The following RFK variants were observed in gnomAD, a reference collection of about 807,000 sequenced individuals.
RFK encodes riboflavin kinase.
In RFK, 4 loss-of-function variants were observed where a neutral mutation model predicts 17.6. That is an observed-to-expected ratio of 0.23 (90% CI 0.11 to 0.52). The LOEUF is 0.52. Among genes scored for constraint, RFK ranks in the 20% least tolerant of loss-of-function variants. The pLI, the probability that RFK is intolerant of heterozygous loss-of-function variation, is 0.96. For missense variants in RFK, 189 were observed against 187.7 expected, an observed-to-expected ratio of 1.01 and a Z score of -0.04; for synonymous variants, 59 against 63.8, an observed-to-expected ratio of 0.92 and a Z score of 0.36.
In RFK at chr9:76,385,726, T is replaced by C. The variant is rs962526133; in HGVS notation, c.*1673A>G. ...AAAGGACAATAACATATCAAAGAACTTTCACACACCTAAAGATAGCATTTA... is the reference window on the plus strand; with the variant it reads ...AAAGGACAATAACATATCAAAGAACCTTCACACACCTAAAGATAGCATTTA... On this transcript the variant is annotated 3_prime_UTR_variant, in exon 4 of 4. Transcript: ENST00000376736. 1 of 152,154 alleles carries C rather than the reference T, an allele frequency of 6.6e-6. No individual in the cohort carries two copies. The highest frequency in any genetic ancestry group is 2.4e-5 in the African/African-American group (1 of 41,428). 9.4% of individuals were successfully genotyped at this position (152,154 alleles called of 1,614,324 possible). A position where few individuals can be genotyped will look rare whatever the true frequency, so the allele number is the denominator to read the frequency against.
In RFK at chr9:76,387,438, G is replaced by T. The variant is rs1331942192; in HGVS notation, c.429C>A (p.Phe143Leu). 3.7e-6 allele frequency: 6 copies of T among 1,610,856 alleles called. No individual in the cohort carries two copies. In the South Asian group the frequency reaches 6.6e-5, roughly 18 times the overall value. Residue 143 changes from phenylalanine to leucine, a missense_variant, in exon 4 of 4, where the codon TTC (phenylalanine) becomes TTA (leucine). Physicochemically the swap from Phe to Leu is conservative, Grantham distance 22. Transcript: ENST00000376736. ...TTATTTTGCTTTTAGAAACCTGGAA[G>T]AAATTGTCTTCTTTGATTTTCAAAT... The part of the protein sequence containing the change: ...PEHLKIKEDN[F>L]FQVSKSKIMN...
intron 1 of RFK, among the ~76,000 whole-genome samples, chr9:76,393,077 T>G (rs1822837525): frequency 6.6e-6 from 1 of 152,042 alleles, no homozygotes; most frequent in Non-Finnish European, 1.5e-5. Context: ...AAGTACCAGG[T>G]AAGTATATAA....
At chr9:76,392,303 G>C (rs997929631) in intron 2 of RFK, 115 bp downstream of exon 2, 3 of 1,048,046 alleles carry the variant, frequency 2.9e-6, no homozygotes, top group Non-Finnish European at 2.8e-6. Context: ...CAAAATTCCA[G>C]TATTTGAACT....
chr9:76,389,273 T>TA (rs1204592460), intron 2 of RFK, among the ~76,000 whole-genome samples: 1 of 152,274 alleles, frequency 6.6e-6, no homozygotes, highest in East Asian at 1.9e-4. Context: ...AGCACTGACT[T>TA]AGAGTCAAAA....
At chr9:76,388,887 G>C (rs1822778627) in intron 2 of RFK, among the ~76,000 whole-genome samples, 1 of 152,138 alleles carries the variant, frequency 6.6e-6, no homozygotes, top group Non-Finnish European at 1.5e-5. Context: ...ATGATTTGCT[G>C]TTACTTAAAA....
intron 1 of RFK, among the ~76,000 whole-genome samples, chr9:76,392,833 G>T (rs999893401): frequency 6.6e-6 from 1 of 152,168 alleles, no homozygotes; most frequent in Non-Finnish European, 1.5e-5. Flanking sequence ...CCCAGCAGAT[G>T]GAGGCTGCAG....
At position 76,387,469 on chromosome 9, in the gene RFK, G is replaced by A. The variant is rs376265828; in HGVS notation, c.398C>T (p.Pro133Leu). 3.1e-6 allele frequency: 5 copies of A among 1,611,698 alleles called. No homozygotes were observed. Among genetic ancestry groups the A allele is most frequent in the Non-Finnish European group, 3.4e-6 (4 of 1,179,150 alleles). Residue 133 changes from proline to leucine, a missense_variant, in exon 4 of 4, where the codon CCA becomes CTA. Transcript: ENST00000376736. ...GTCTTCTTTGATTTTCAAATGTTCT[G>A]GTAACTCTAGTCGTTTCTTAGCTTC... ...IEEAKKRLELPEHLKIKEDNF... is the reference protein window; with the variant it reads ...IEEAKKRLELLEHLKIKEDNF...
chr9:76,387,223 A>G lies in RFK; in HGVS notation c.*176T>C. 1.8e-6 allele frequency: 1 copy of G among 557,498 alleles called. No homozygotes were observed. The allele number at this position is 557,498 out of a possible 1,614,324, so 34.5% of individuals were successfully genotyped here. ...AACTCAATCTTTTTAGTGCTATGAT[A>G]TGATGGGCTTAATTTAATAGTTGAA... On this transcript the variant is annotated 3_prime_UTR_variant, in exon 4 of 4. Coordinates refer to ENST00000376736, the MANE Select transcript of RFK (RefSeq NM_018339.6).
In RFK at chr9:76,392,679, GGAGGCTCATGTTGAGCTCTGGGGTTT is replaced by G. The variant is rs1490684863; in HGVS notation, c.83-136_83-111del. ...TCTAGGACTTTGAGAGGCCAAGGCA[GGAGGCTCATGTTGAGCTCTGGGGTTT>G]GAGACCGGCCCGGGTAACATAGTGA... On this transcript the variant is annotated intron_variant, in intron 1 of 3. Transcript: ENST00000376736. The G allele has an allele frequency of 2.2e-5, 23 of 1,042,344 alleles. No homozygotes were observed. In the Admixed American group the frequency reaches 4.5e-4, roughly 20 times the overall value. The allele number at this position is 1,042,344 out of a possible 1,614,324, so 64.6% of individuals were successfully genotyped here.
intron 2 of RFK, among the ~76,000 whole-genome samples, chr9:76,391,107 C>T (rs1038653113): frequency 4.6e-5 from 7 of 152,098 alleles, no homozygotes; most frequent in African/African-American, 1.2e-4. Context: ...TGTGATCTTT[C>T]GATTGTTTTC....
intron 1 of RFK, chr9:76,393,651 C>CGGTGGTCGCCGTA: frequency 2.9e-5 from 5 of 171,910 alleles, no homozygotes; most frequent in South Asian, 1.6e-4. Context: ...TTAGCTGACT[C>CGGTGGTCGCCGTA]TCATTCAACT....
intron 3 of RFK, chr9:76,387,837 A>C: frequency 4.1e-6 from 1 of 241,714 alleles, no homozygotes. Context: ...TGACTCTACT[A>C]AAACTACAAA....
intron 2 of RFK, among the ~76,000 whole-genome samples, chr9:76,390,945 T>C (rs1177135588): frequency 1.3e-5 from 2 of 152,168 alleles, no homozygotes; most frequent in African/African-American, 4.8e-5. Context: ...GATATGCCTA[T>C]GTTTCAAATT....
Position 76,394,272 on chromosome 9 carries a change from G to T in RFK, c.-101C>A. 1 of 1,220,236 alleles carries T rather than the reference G, an allele frequency of 8.2e-7. No homozygotes were observed. Among genetic ancestry groups the T allele is most frequent in the Non-Finnish European group, 1.1e-6 (1 of 893,060 alleles). 75.6% of individuals were successfully genotyped at this position (1,220,236 alleles called of 1,614,324 possible). ...ACCCCGGACCAGCCGGGGGACAGGA[G>T]CGTGAGCTCTGCCTGCCGCGGGGGC... is the stretch of plus-strand genomic sequence containing the variant. On this transcript the variant is annotated 5_prime_UTR_variant, in exon 1 of 4. Coordinates refer to ENST00000376736, the MANE Select transcript of RFK (RefSeq NM_018339.6).
intron 2 of RFK, 41 bp from the exon 3 acceptor site, chr9:76,388,697 A>AG (rs752160196): frequency 8.5e-7 from 1 of 1,176,734 alleles, no homozygotes; most frequent in Non-Finnish European, 1.3e-6. Context: ...ATCAGACTAC[A>AG]GTGTACTGAA....
In RFK at chr9:76,385,941, G is replaced by A. The variant is rs1822723091; in HGVS notation, c.*1458C>T. 6.6e-6 allele frequency: 1 copy of A among 152,162 alleles called. No individual in the cohort carries two copies. The highest frequency in any genetic ancestry group is 1.5e-5 in the Non-Finnish European group (1 of 68,030). The allele number at this position is 152,162 out of a possible 1,614,324, so 9.4% of individuals were successfully genotyped here. Reference sequence around the variant, plus strand: ...AAACGCAATCCAACTATTTATATGAGTCCCTCTTCTCCAACAGCTTTAGAT... The same window carrying A: ...AAACGCAATCCAACTATTTATATGAATCCCTCTTCTCCAACAGCTTTAGAT... On this transcript the variant is annotated 3_prime_UTR_variant, in exon 4 of 4. Coordinates refer to ENST00000376736, the MANE Select transcript of RFK (RefSeq NM_018339.6).
At position 76,390,589 on chromosome 9, in the gene RFK, A is replaced by T. The variant is rs118173098; in HGVS notation, c.234+1829T>A. Among the ~76,000 whole-genome samples the T allele has an allele frequency of 9.4e-3, 1,425 of 152,184 alleles. 16 individuals carry two copies. The highest frequency in any genetic ancestry group is 0.012 in the Non-Finnish European group (810 of 67,980). On this transcript the variant is annotated intron_variant, in intron 2 of 3. Coordinates refer to ENST00000376736, the MANE Select transcript of RFK (RefSeq NM_018339.6). ...TGTGATGGGAGGATCACTTCAGCCCAGAAAGTTGAGGCTGCAGTGAGCTGA... is the reference window on the plus strand; with the variant it reads ...TGTGATGGGAGGATCACTTCAGCCCTGAAAGTTGAGGCTGCAGTGAGCTGA...
intron 2 of RFK, among the ~76,000 whole-genome samples, chr9:76,391,957 A>C (rs571002080): frequency 4.6e-5 from 7 of 151,788 alleles, no homozygotes; most frequent in African/African-American, 1.7e-4. Context: ...AAAAAGATGC[A>C]ATTTCTGAGT....
At chr9:76,393,396 G>A (rs769752599) in intron 1 of RFK, among the ~76,000 whole-genome samples, 2 of 151,866 alleles carry the variant, frequency 1.3e-5, no homozygotes, top group East Asian at 1.9e-4. Context: ...TAGCAGAGAC[G>A]GGGTTTTACC....
Sources: gnomAD v4.1 joint callset for allele counts (sites outside exome capture counted in the v4.1 genomes callset) on GRCh38, gnomAD v4.1.1 for gene constraint, MANE v1.5 for transcripts, NCBI Gene and HGNC (gene_info 2026-07-23, HGNC 2026-07-21) for gene names.